The following INPP5A variants were observed in gnomAD, a reference collection of about 807,000 sequenced individuals.
INPP5A encodes 43 kDa inositol polyphosphate 5-phophatase.
INPP5A carries 14 observed loss-of-function variants against 65.2 expected under a neutral mutation model. The ratio of observed to expected loss-of-function variants is 0.21; its 90% CI spans 0.14 to 0.34. INPP5A has a LOEUF of 0.34. Among genes scored for constraint, INPP5A ranks in the 10% least tolerant of loss-of-function variants. INPP5A has a pLI of 1.00. For synonymous variants in INPP5A, 207 were observed against 208.3 expected (o/e 0.99, Z 0.05); for missense variants, 431 against 545.6 (o/e 0.79, Z 2.09).
intron 6 of INPP5A, 63 bp from the exon 7 acceptor site, chr10:132,708,250 G>T (rs1564974775): frequency 6.9e-7 from 1 of 1,449,146 alleles, no homozygotes; most frequent in Non-Finnish European, 9.7e-7. Context: ...TAGGTGTGTG[G>T]GACCCACGTG....
intron 9 of INPP5A, among the ~76,000 whole-genome samples, chr10:132,735,034 C>T (rs1272877679): frequency 6.6e-6 from 1 of 152,174 alleles, no homozygotes; most frequent in Middle Eastern, 3.2e-3. Flanking sequence ...GCTCCCCAGC[C>T]GTGTGGAGCA....
chr10:132,710,252 T>C (rs1028847229), intron 7 of INPP5A, 85 bp from the exon 8 acceptor site: 28 of 1,516,880 alleles, frequency 1.8e-5, no homozygotes, highest in Middle Eastern at 4.0e-4. Flanking sequence ...GCAGGTCTTA[T>C]CTTCCCGGGG....
At chr10:132,755,740 GC>G (rs1565002051) in intron 11 of INPP5A, among the ~76,000 whole-genome samples, 1 of 152,078 alleles carries the variant, frequency 6.6e-6, no homozygotes, top group African/African-American at 2.4e-5. Context: ...CCTAGCGGCA[GC>G]CGCTGAGGCC....
intron 1 of INPP5A, among the ~76,000 whole-genome samples, chr10:132,563,541 G>A (rs951343664): frequency 2.0e-5 from 3 of 152,186 alleles, no homozygotes; most frequent in East Asian, 1.9e-4. Context: ...GCAGAAAATA[G>A]CAGGTGTGTT....
chr10:132,771,405 G>A (rs1019902765), intron 12 of INPP5A, among the ~76,000 whole-genome samples: 19 of 152,368 alleles, frequency 1.2e-4, no homozygotes, highest in African/African-American at 2.9e-4. Context: ...TTCCCACGCC[G>A]GCGCCGGCAG....
Position 132,547,007 on chromosome 10 carries a change from C to G in INPP5A, c.75+8836C>G, listed in dbSNP as rs190450367. On this transcript the variant is annotated intron_variant, in intron 1 of 15. Transcript: ENST00000368594. The surrounding 1 kb of genome is among the most constrained non-coding windows in gnomAD (Gnocchi z 5.5). ...CCTCCCCTCTCGGGGTCCCGCATGACTGGTCCTCATTCCAGGAACCAGAGG... is the reference window on the plus strand; with the variant it reads ...CCTCCCCTCTCGGGGTCCCGCATGAGTGGTCCTCATTCCAGGAACCAGAGG... 1.0e-3 allele frequency among the ~76,000 whole-genome samples: 159 copies of G among 152,360 alleles called. No homozygotes were observed. The highest frequency in any genetic ancestry group is 3.7e-3 in the African/African-American group (155 of 41,588).
In INPP5A at chr10:132,685,551, G is replaced by C. The variant is rs147436137; in HGVS notation, c.307-4841G>C. Among the ~76,000 whole-genome samples, 31 of 152,360 alleles carry C rather than the reference G, an allele frequency of 2.0e-4. No individual in the cohort carries two copies. In the East Asian group the frequency reaches 6.0e-3, roughly 29 times the overall value. ...CAGGTTAATGATGTGTGCTTTGGTC[G>C]TTCACCTGATTGCGGAAATGATAAA... is the stretch of plus-strand genomic sequence containing the variant. On this transcript the variant is annotated intron_variant, in intron 4 of 15. Coordinates refer to ENST00000368594, the MANE Select transcript of INPP5A (RefSeq NM_005539.5).
At chr10:132,720,818 G>T (rs1441378319) in intron 8 of INPP5A, among the ~76,000 whole-genome samples, 2 of 150,272 alleles carry the variant, frequency 1.3e-5, no homozygotes, top group African/African-American at 2.5e-5. Context: ...TGTCTTGCGG[G>T]TTCTGTGGTA....
At chr10:132,558,779 G>A (rs888720467) in intron 1 of INPP5A, among the ~76,000 whole-genome samples, 1 of 152,258 alleles carries the variant, frequency 6.6e-6, no homozygotes, top group African/African-American at 2.4e-5. Flanking sequence ...CTCAGGGTCA[G>A]CGTGGGACCA....
At chr10:132,634,077 A>C (rs2072307012) in intron 2 of INPP5A, among the ~76,000 whole-genome samples, 1 of 152,276 alleles carries the variant, frequency 6.6e-6, no homozygotes, top group South Asian at 2.1e-4. Context: ...AAAGATGATC[A>C]GTAATTCCAA....
Position 132,651,322 on chromosome 10 carries a change from G to A in INPP5A, c.306+817G>A, listed in dbSNP as rs541851579. 1.0e-4 allele frequency among the ~76,000 whole-genome samples: 14 copies of A among 135,096 alleles called. No homozygotes were observed. The highest frequency in any genetic ancestry group is 2.5e-4 in the South Asian group (1 of 3,936). The allele number at this position is 135,096 out of a possible 152,430, so 88.6% of individuals were successfully genotyped here. ...TCTCTGGGGAGGCCCTGGGTCCCCC[G>A]GCCTGGATCCATCTCCCCCGTCTCT... On this transcript the variant is annotated intron_variant, in intron 4 of 15. Coordinates refer to ENST00000368594, the MANE Select transcript of INPP5A (RefSeq NM_005539.5). This position sits in a 1 kb window ranked among gnomAD's most constrained non-coding sequence, Gnocchi z 5.0.
At position 132,685,667 on chromosome 10, in the gene INPP5A, G is replaced by T. The variant is rs116894885; in HGVS notation, c.307-4725G>T. Among the ~76,000 whole-genome samples the T allele has an allele frequency of 3.9e-3, 597 of 152,342 alleles. 1 individual carries two copies. Among genetic ancestry groups the T allele is most frequent in the Non-Finnish European group, 7.0e-3 (477 of 68,034 alleles). ...TTCCTGGCTTGTCAGCCTCTGCCCC[G>T]GCCTGAGTCATCCCGAGCCTTCCAG... On this transcript the variant is annotated intron_variant, in intron 4 of 15. Coordinates refer to ENST00000368594, the MANE Select transcript of INPP5A (RefSeq NM_005539.5).
chr10:132,752,237 G>C (rs1026070604), intron 11 of INPP5A, among the ~76,000 whole-genome samples: 1 of 151,994 alleles, frequency 6.6e-6, no homozygotes, highest in Non-Finnish European at 1.5e-5. Flanking sequence ...CAAAGTCTCC[G>C]GGGACCTTGC....
intron 12 of INPP5A, among the ~76,000 whole-genome samples, chr10:132,769,628 C>A (rs1026894377): frequency 6.6e-6 from 1 of 152,228 alleles, no homozygotes; most frequent in Non-Finnish European, 1.5e-5. Context: ...GGAAACCAGG[C>A]GGCTATGAGT....
chr10:132,708,833 G>A (rs575605552), intron 7 of INPP5A, among the ~76,000 whole-genome samples: 25 of 152,310 alleles, frequency 1.6e-4, no homozygotes, highest in Non-Finnish European at 3.2e-4. Flanking sequence ...ACATGTTCTC[G>A]ATAGCGCCGC....
In INPP5A at chr10:132,587,473, TGCG is replaced by T. The variant is rs2071559165; in HGVS notation, c.76-20439_76-20437del. ...GTCAGAAATCATGACGGGGAAAGGA[TGCG>T]GCCATACCAGACGGAACCTTTGTCC... On this transcript the variant is annotated intron_variant, in intron 1 of 15. Coordinates refer to ENST00000368594, the MANE Select transcript of INPP5A (RefSeq NM_005539.5). The surrounding 1 kb of genome is among the most constrained non-coding windows in gnomAD (Gnocchi z 4.3). Among the ~76,000 whole-genome samples the T allele has an allele frequency of 6.6e-6, 1 of 152,174 alleles. No homozygotes were observed. Among genetic ancestry groups the T allele is most frequent in the East Asian group, 1.9e-4 (1 of 5,190 alleles).
In INPP5A at chr10:132,538,534, G is replaced by A. The variant is rs112421634; in HGVS notation, c.75+363G>A. On this transcript the variant is annotated intron_variant, in intron 1 of 15. Transcript: ENST00000368594. The surrounding 1 kb of genome is among the most constrained non-coding windows in gnomAD (Gnocchi z 4.1). Reference sequence around the variant, plus strand: ...GTCAGAACCCCTGTTAACAGTTCCTGGAACCCAAACCCCAGAAACCGGGTC... The same window carrying A: ...GTCAGAACCCCTGTTAACAGTTCCTAGAACCCAAACCCCAGAAACCGGGTC... 1.3e-5 allele frequency among the ~76,000 whole-genome samples: 2 copies of A among 152,084 alleles called. No individual in the cohort carries two copies. The highest frequency in any genetic ancestry group is 4.8e-5 in the African/African-American group (2 of 41,420).
At chr10:132,692,795 A>C (rs1195943377) in intron 5 of INPP5A, among the ~76,000 whole-genome samples, 2 of 152,272 alleles carry the variant, frequency 1.3e-5, no homozygotes, top group South Asian at 4.1e-4. Context: ...AAATGCTAAA[A>C]GAAGCTCTTC....
At chr10:132,769,799 CT>C (rs1285264449) in intron 12 of INPP5A, among the ~76,000 whole-genome samples, 1 of 137,706 alleles carries the variant, frequency 7.3e-6, no homozygotes, top group African/African-American at 2.6e-5. Context: ...CACCCCGTAG[CT>C]CCCCCCCCCC....
Sources: allele counts gnomAD v4.1 joint callset (sites outside exome capture counted in the v4.1 genomes callset), GRCh38; gene constraint gnomAD v4.1.1; non-coding constraint Gnocchi (gnomAD v3.1); transcripts MANE v1.5; gene names NCBI Gene and HGNC (gene_info 2026-07-23, HGNC 2026-07-21).